MAF: variants seen among roughly 807,000 people sequenced by gnomAD.
The protein encoded by MAF is transcription factor Maf.
In MAF, 10 loss-of-function variants were observed where a neutral mutation model predicts 22.0. The ratio of observed to expected loss-of-function variants is 0.45; its 90% CI spans 0.28 to 0.77. The LOEUF (loss-of-function observed/expected upper bound fraction) is 0.77, where lower values mean the gene tolerates loss of function less well. Ranked by LOEUF, MAF falls within the 30% of genes least tolerant of loss-of-function variation. The pLI is 0.12. For missense variants in MAF, 544 were observed against 548.4 expected (o/e 0.99, Z 0.08); for synonymous variants, 337 against 255.8 (o/e 1.32, Z -3.03).
chr16:79,393,702 C>G, the MAF span, among the ~76,000 whole-genome samples: 5 of 152,242 alleles, frequency 3.3e-5, no homozygotes, highest in East Asian at 7.8e-4. Flanking sequence ...CCTGGGACAT[C>G]GATGCTTGGC....
chr16:79,482,884 C>T, the MAF span, among the ~76,000 whole-genome samples: 3 of 120,354 alleles, frequency 2.5e-5, no homozygotes, highest in Non-Finnish European at 3.5e-5. Flanking sequence ...TCCTCTCCCT[C>T]CCTCCTTCCT....
downstream of MAF, among the ~76,000 whole-genome samples, chr16:79,581,378 C>A (rs1912505775): frequency 6.6e-6 from 1 of 152,146 alleles, no homozygotes; most frequent in Admixed American, 6.5e-5. Context: ...AACAAAAGGT[C>A]TCTATTTTGA....
At chr16:79,495,572 C>G in the MAF span, among the ~76,000 whole-genome samples, 1 of 152,152 alleles carries the variant, frequency 6.6e-6, no homozygotes, top group Non-Finnish European at 1.5e-5. Context: ...CTTCTTATGC[C>G]ACAGTTTCTT....
At chr16:79,470,999 T>A in the MAF span, among the ~76,000 whole-genome samples, 37 of 152,354 alleles carry the variant, frequency 2.4e-4, no homozygotes, top group African/African-American at 8.4e-4. Context: ...ACCATCATCG[T>A]CATGTTCATA....
At chr16:79,530,340 G>A in the MAF span, among the ~76,000 whole-genome samples, 1 of 152,144 alleles carries the variant, frequency 6.6e-6, no homozygotes, top group South Asian at 2.1e-4. Flanking sequence ...GCATTCAGCT[G>A]TCCCAACACA....
At chr16:79,432,715 C>T in the MAF span, among the ~76,000 whole-genome samples, 2 of 152,024 alleles carry the variant, frequency 1.3e-5, no homozygotes, top group African/African-American at 2.4e-5. Flanking sequence ...AATATGATGT[C>T]CTCATAAAAA....
chr16:79,286,865 A>G, the MAF span, among the ~76,000 whole-genome samples: 1 of 152,094 alleles, frequency 6.6e-6, no homozygotes, highest in Non-Finnish European at 1.5e-5. Context: ...TGCACTCAAC[A>G]TGCCTCTTCC....
the MAF span, among the ~76,000 whole-genome samples, chr16:79,527,512 A>G: frequency 6.6e-6 from 1 of 152,174 alleles, no homozygotes; most frequent in South Asian, 2.1e-4. Context: ...TTATGCCAAC[A>G]TTTGGTGACA....
At chr16:79,243,321 G>A in the MAF span, among the ~76,000 whole-genome samples, 3 of 151,064 alleles carry the variant, frequency 2.0e-5, no homozygotes, top group Non-Finnish European at 4.4e-5. Flanking sequence ...TAGACCACTA[G>A]CCAGATTAAT....
chr16:79,547,818 C>T, the MAF span, among the ~76,000 whole-genome samples: 1 of 152,070 alleles, frequency 6.6e-6, no homozygotes, highest in African/African-American at 2.4e-5. Flanking sequence ...TTTTTCTCCT[C>T]TGTCTCCTCT....
At chr16:79,207,092 G>GGAAA in the MAF span, among the ~76,000 whole-genome samples, 1 of 152,130 alleles carries the variant, frequency 6.6e-6, no homozygotes, top group African/African-American at 2.4e-5. Flanking sequence ...TGGGAGACAG[G>GGAAA]GAAAGACAGG....
the MAF span, among the ~76,000 whole-genome samples, chr16:79,254,708 A>T: frequency 6.6e-6 from 1 of 152,122 alleles, no homozygotes; most frequent in East Asian, 1.9e-4. Flanking sequence ...AATAATCCTC[A>T]AGAAACTCTC....
At chr16:79,244,729 T>C in the MAF span, among the ~76,000 whole-genome samples, 1 of 151,970 alleles carries the variant, frequency 6.6e-6, no homozygotes. Context: ...TTAAATTTCA[T>C]ATGGAACCAA....
chr16:79,513,940 C>G, the MAF span, among the ~76,000 whole-genome samples: 1 of 152,138 alleles, frequency 6.6e-6, no homozygotes, highest in Non-Finnish European at 1.5e-5. Flanking sequence ...GACAATAAAT[C>G]CTCATCAAAG....
At chr16:79,474,874 A>G in the MAF span, among the ~76,000 whole-genome samples, 1 of 152,190 alleles carries the variant, frequency 6.6e-6, no homozygotes, top group Admixed American at 6.5e-5. Flanking sequence ...GGAGAGATCT[A>G]AAAGCAAAGG....
chr16:79,233,368 AG>A, the MAF span, among the ~76,000 whole-genome samples: 1 of 152,018 alleles, frequency 6.6e-6, no homozygotes, highest in African/African-American at 2.4e-5. Flanking sequence ...ATGATCATCC[AG>A]GGCCCCTTGT....
At chr16:79,414,791 A>T in the MAF span, among the ~76,000 whole-genome samples, 1 of 152,240 alleles carries the variant, frequency 6.6e-6, no homozygotes, top group Non-Finnish European at 1.5e-5. Flanking sequence ...ATAACAAACA[A>T]CTTCCAAATA....
At chr16:79,572,791 T>A in the MAF span, among the ~76,000 whole-genome samples, 1 of 152,180 alleles carries the variant, frequency 6.6e-6, no homozygotes, top group South Asian at 2.1e-4. Context: ...CTCACACACA[T>A]AAACACACTG....
At chr16:79,221,543 A>T in the MAF span, among the ~76,000 whole-genome samples, 1 of 152,260 alleles carries the variant, frequency 6.6e-6, no homozygotes, top group Non-Finnish European at 1.5e-5. Flanking sequence ...CACTGTTTAA[A>T]GTATTAAAAT....
Sources: gnomAD v4.1 joint callset for allele counts (sites outside exome capture counted in the v4.1 genomes callset) on GRCh38, gnomAD v4.1.1 for gene constraint, MANE v1.5 for transcripts, NCBI Gene and HGNC (gene_info 2026-07-23, HGNC 2026-07-21) for gene names.